RPL13A: variants seen among roughly 807,000 people sequenced by gnomAD.
The protein encoded by RPL13A is large ribosomal subunit protein uL13.
RPL13A carries 4 observed loss-of-function variants against 30.8 expected under a neutral mutation model. The ratio of observed to expected loss-of-function variants is 0.13; its 90% CI spans 0.06 to 0.30. The LOEUF (loss-of-function observed/expected upper bound fraction) is 0.30, where lower values mean the gene tolerates loss of function less well. Among genes scored for constraint, RPL13A ranks in the 10% least tolerant of loss-of-function variants. RPL13A has a pLI of 1.00. For synonymous variants in RPL13A, 108 were observed against 104.2 expected (o/e 1.04, Z -0.22); for missense variants, 196 against 272.6 (o/e 0.72, Z 1.98).
At chr19:49,488,747 C>T (rs1205273869) in intron 1 of RPL13A, among the ~76,000 whole-genome samples, 1 of 152,172 alleles carries the variant, frequency 6.6e-6, no homozygotes, top group Non-Finnish European at 1.5e-5. Context: ...GCTGTGACAC[C>T]CAGGCTGGAG....
intron 6 of RPL13A, 138 bp from the exon 7 acceptor site, chr19:49,491,287 C>A: frequency 2.6e-6 from 3 of 1,148,610 alleles, no homozygotes; most frequent in Non-Finnish European, 3.9e-6. Flanking sequence ...TTCTAACAGG[C>A]CTGCAGAGAA....
At chr19:49,490,895 C>G in intron 5 of RPL13A, 31 bp downstream of exon 5, 1 of 1,613,092 alleles carries the variant, frequency 6.2e-7, no homozygotes, top group Non-Finnish European at 8.5e-7. Context: ...CAGGCAGCGG[C>G]CTTACCTGTG....
In RPL13A at chr19:49,492,036, G is replaced by A. The variant is rs535982599; in HGVS notation, c.*221G>A. ...GTCATTTATCTATGACCAATAGGAA[G>A]AGCAACCAGTTACTATGAGTGAAAG... On this transcript the variant is annotated 3_prime_UTR_variant, in exon 8 of 8. Transcript: ENST00000391857. 3 of 524,136 alleles carry A rather than the reference G, an allele frequency of 5.7e-6. No homozygotes were observed. Among genetic ancestry groups the A allele is most frequent in the South Asian group, 2.2e-5 (1 of 45,326 alleles). 32.5% of individuals were successfully genotyped at this position (524,136 alleles called of 1,614,324 possible). A position where few individuals can be genotyped will look rare whatever the true frequency, so the allele number is the denominator to read the frequency against.
At position 49,492,049 on chromosome 19, in the gene RPL13A, C is replaced by A; in HGVS notation, c.*234C>A. On this transcript the variant is annotated 3_prime_UTR_variant, in exon 8 of 8. Transcript: ENST00000391857. ...GACCAATAGGAAGAGCAACCAGTTA[C>A]TATGAGTGAAAGGGAGCCAGAAGAC... 6 of 500,394 alleles carry A rather than the reference C, an allele frequency of 1.2e-5. No individual in the cohort carries two copies. The highest frequency in any genetic ancestry group is 1.8e-5 in the Non-Finnish European group (5 of 276,148). 31.0% of individuals were successfully genotyped at this position (500,394 alleles called of 1,614,324 possible).
In RPL13A at chr19:49,489,936, C is replaced by A. The variant is rs192827029; in HGVS notation, c.88+14C>A. The A allele has an allele frequency of 6.2e-7, 1 of 1,608,374 alleles. No individual in the cohort carries two copies. Among genetic ancestry groups the A allele is most frequent in the Non-Finnish European group, 8.5e-7 (1 of 1,175,164 alleles). Reference sequence around the variant, plus strand: ...AGGTACTGCTGGGTAAGTCGCTGCTCGTGGCCCCTCTGTCATGGGCCCCCG... The same window carrying A: ...AGGTACTGCTGGGTAAGTCGCTGCTAGTGGCCCCTCTGTCATGGGCCCCCG... On this transcript the variant is annotated intron_variant, in intron 2 of 7. Transcript: ENST00000391857.
intron 1 of RPL13A, 130 bp from the exon 2 acceptor site, chr19:49,489,720 G>C: frequency 1.3e-6 from 1 of 773,656 alleles, no homozygotes; most frequent in Non-Finnish European, 2.3e-6. Flanking sequence ...TCCGTGCATA[G>C]TTCCCAGCTC....
chr19:49,488,068 C>T (rs2079825476), intron 1 of RPL13A, among the ~76,000 whole-genome samples: 2 of 152,108 alleles, frequency 1.3e-5, no homozygotes, highest in South Asian at 2.1e-4. Flanking sequence ...GTATTTTTAT[C>T]CCGCTCAGTG....
rs760211274 is a variant in RPL13A, at chr19:49,489,836, C to T, written c.16-14C>T. The stretch of plus-strand genomic sequence containing the variant: ...GTCCTTGTCTCTGAGTCCTTTTGCC[C>T]TTGTCTCCCACAGGTCCTGGTGCTT... On this transcript the variant is annotated splice_polypyrimidine_tract_variant and intron_variant, in intron 1 of 7. Coordinates refer to ENST00000391857, the MANE Select transcript of RPL13A (RefSeq NM_012423.4). The T allele has an allele frequency of 2.1e-5, 33 of 1,602,796 alleles. No individual in the cohort carries two copies. Among genetic ancestry groups the T allele is most frequent in the Non-Finnish European group, 2.6e-5 (31 of 1,176,518 alleles).
chr19:49,490,701 C>T, intron 4 of RPL13A, 78 bp from the exon 5 acceptor site: 2 of 1,585,844 alleles, frequency 1.3e-6, no homozygotes, highest in Non-Finnish European at 8.7e-7. Context: ...TGAGGCCACC[C>T]CATGGGCCCA....
rs1397547163 is a variant in RPL13A at position 49,490,212 on chromosome 19, A to G, written c.89-20A>G. ...GACCCTCAGGCGGCTCGGCCCTGCT[A>G]AGCCTTTCCCTCCCTCTAGGCCGGA... is the stretch of plus-strand genomic sequence containing the variant. On this transcript the variant is annotated intron_variant, in intron 2 of 7. Transcript: ENST00000391857. 1.2e-6 allele frequency: 2 copies of G among 1,613,424 alleles called. No individual in the cohort carries two copies. The highest frequency in any genetic ancestry group is 1.7e-6 in the Non-Finnish European group (2 of 1,179,738).
At chr19:49,489,075 A>G (rs1271632018) in intron 1 of RPL13A, among the ~76,000 whole-genome samples, 3 of 152,226 alleles carry the variant, frequency 2.0e-5, no homozygotes, top group African/African-American at 7.2e-5. Flanking sequence ...AGAGTGCTCT[A>G]TAGCAGAGCT....
At chr19:49,490,046 C>T in intron 2 of RPL13A, 124 bp downstream of exon 2, 1 of 997,698 alleles carries the variant, frequency 1.0e-6, no homozygotes, top group Non-Finnish European at 1.6e-6. Context: ...GCTCTGAGAC[C>T]TGCCAGCCAC....
In RPL13A at chr19:49,489,802, T is replaced by G. The variant is rs376405582; in HGVS notation, c.16-48T>G. 2.8e-6 allele frequency: 4 copies of G among 1,431,714 alleles called. No individual in the cohort carries two copies. The African/African-American group carries it at 4.2e-5, about 15-fold the overall frequency. 88.7% of individuals were successfully genotyped at this position (1,431,714 alleles called of 1,614,324 possible). A position where few individuals can be genotyped will look rare whatever the true frequency, so the allele number is the denominator to read the frequency against. ...AGGGAATGCTTGCTTGTGAGGACAA[T>G]CAAAGGCTGTCCTTGTCTCTGAGTC... is the stretch of plus-strand genomic sequence containing the variant. On this transcript the variant is annotated intron_variant, in intron 1 of 7. Transcript: ENST00000391857.
intron 2 of RPL13A, 116 bp from the exon 3 acceptor site, chr19:49,490,116 C>T: frequency 1.7e-6 from 2 of 1,157,052 alleles, no homozygotes; most frequent in Non-Finnish European, 2.6e-6. Flanking sequence ...GCTAGTTTTT[C>T]ATTTAAACAG....
At chr19:49,490,640 A>G (rs2079856499) in intron 4 of RPL13A, 64 bp downstream of exon 4, 3 of 1,582,924 alleles carry the variant, frequency 1.9e-6, no homozygotes, top group Non-Finnish European at 2.6e-6. Context: ...AACTTCTCCC[A>G]CTCACATTCG....
chr19:49,491,555 C>CA lies in RPL13A; in HGVS notation c.525+9dup. 6.4e-6 allele frequency: 10 copies of CA among 1,552,042 alleles called. No homozygotes were observed. Among genetic ancestry groups the CA allele is most frequent in the Non-Finnish European group, 8.7e-6 (10 of 1,152,214 alleles). On this transcript the variant is annotated intron_variant, in intron 7 of 7. Transcript: ENST00000391857. ...AAGAAGAAACAGCTCATGGTGAGGC[C>CA]AGGGGCTGGTGCTGAGGGGGGCATC...
At chr19:49,490,403 G>C in intron 3 of RPL13A, 72 bp from the exon 4 acceptor site, 8 of 1,593,572 alleles carry the variant, frequency 5.0e-6, no homozygotes, top group Non-Finnish European at 6.9e-6. Context: ...GGGTTTCTGA[G>C]AAGGCCCTTG....
rs890204181 is a variant in RPL13A at position 49,490,574 on chromosome 19, G to A, written c.254G>A (p.Arg85Gln). The change falls in exon 4 of 8, where the codon CGA (arginine) becomes CAA (glutamine). Residue 85 changes from arginine (R) to glutamine (Q), a missense_variant and splice_region_variant. Arg to Gln is a conservative substitution (Grantham distance 43). Coordinates refer to ENST00000391857, the MANE Select transcript of RPL13A (RefSeq NM_012423.4). ...AGCCGCATCTTCTGGCGGACCGTGC[G>A]AGGTGAGCAGAGCGTGGGGACTGCA... The part of the protein sequence containing the change: ...APSRIFWRTV[R>Q]GMLPHKTKRG... The A allele has an allele frequency of 3.1e-6, 5 of 1,614,120 alleles. No homozygotes were observed. The highest frequency in any genetic ancestry group is 1.1e-5 in the South Asian group (1 of 91,084).
intron 1 of RPL13A, 145 bp downstream of exon 1, chr19:49,487,789 CTG>C: frequency 2.2e-6 from 2 of 894,322 alleles, no homozygotes; most frequent in Non-Finnish European, 3.2e-6. Context: ...TAAGGGGAAT[CTG>C]TAGGAAATGC....
Sources: gnomAD v4.1 joint callset for allele counts (sites outside exome capture counted in the v4.1 genomes callset) on GRCh38, gnomAD v4.1.1 for gene constraint, MANE v1.5 for transcripts, NCBI Gene and HGNC (gene_info 2026-07-23, HGNC 2026-07-21) for gene names.